Variants in C19orf47 observed in about 807,000 individuals in gnomAD.
The protein encoded by C19orf47 is uncharacterized protein C19orf47.
In C19orf47, 18 loss-of-function variants were observed where a neutral mutation model predicts 32.3. The observed-to-expected ratio is 0.56, with a 90% CI of 0.39 to 0.83. The LOEUF (loss-of-function observed/expected upper bound fraction) is 0.83, where lower values mean the gene tolerates loss of function less well. Among genes scored for constraint, C19orf47 ranks in the 40% least tolerant of loss-of-function variants. The probability of loss-of-function intolerance (pLI) is 0.00; values close to 1 mark genes in which losing one functional copy is unlikely to be tolerated. For missense variants in C19orf47, 484 were observed against 531.6 expected (o/e 0.91, Z 0.88); for synonymous variants, 202 against 211.1 (o/e 0.96, Z 0.37).
chr19:40,322,763 T>C (rs749811264), intron 8 of C19orf47, among the ~76,000 whole-genome samples: 1 of 152,216 alleles, frequency 6.6e-6, no homozygotes, highest in African/African-American at 2.4e-5. Context: ...CAATTCTATA[T>C]TGTACCTGGT....
chr19:40,313,878 G>A, the C19orf47 span, among the ~76,000 whole-genome samples: 1 of 151,816 alleles, frequency 6.6e-6, no homozygotes, highest in East Asian at 1.9e-4. Context: ...AGAGGCTGCA[G>A]TGAGATTACA....
intron 6 of C19orf47, among the ~76,000 whole-genome samples, chr19:40,327,496 G>A (rs746077178): frequency 3.3e-5 from 5 of 152,156 alleles, no homozygotes; most frequent in African/African-American, 4.8e-5. Flanking sequence ...TCAAAGGCCA[G>A]AAGAGGGTGA....
the C19orf47 span, among the ~76,000 whole-genome samples, chr19:40,297,715 A>G: frequency 1.6e-5 from 1 of 62,616 alleles, no homozygotes; most frequent in Non-Finnish European, 5.2e-5. Context: ...AAAAAAAAAA[A>G]AAAAAAAAAT....
chr19:40,348,027 T>C (rs2078356270), intron 1 of C19orf47, among the ~76,000 whole-genome samples: 1 of 152,164 alleles, frequency 6.6e-6, no homozygotes. Flanking sequence ...CAATTTTTCA[T>C]ACTAAGCGCT....
chr19:40,326,299 C>T (rs1368832860), intron 7 of C19orf47, 35 bp downstream of exon 7: 1 of 1,611,436 alleles, frequency 6.2e-7, no homozygotes, highest in Admixed American at 1.7e-5. Flanking sequence ...GGGACATGGA[C>T]CCCGCAGGGA....
rs45565331 is a variant in C19orf47, at chr19:40,321,250, C to A, written c.*632G>T. 1,218 of 986,854 alleles carry A rather than the reference C, an allele frequency of 1.2e-3. No individual in the cohort carries two copies. Among genetic ancestry groups the A allele is most frequent in the Middle Eastern group, 3.1e-3 (6 of 1,916 alleles). The allele number at this position is 986,854 out of a possible 1,614,324, so 61.1% of individuals were successfully genotyped here. ...GTCCCTCCAGCCTGGGAGTAGAGGG[C>A]GGCTAACAGTCTCAACAGGCTCGAC... On this transcript the variant is annotated 3_prime_UTR_variant, in exon 9 of 9. Transcript: ENST00000683109.
chr19:40,327,016 T>C (rs2077845456), intron 6 of C19orf47, among the ~76,000 whole-genome samples: 1 of 151,316 alleles, frequency 6.6e-6, no homozygotes. Context: ...ACTTTTTTTT[T>C]TTTTTTTTTT....
chr19:40,328,424 G>A lies in C19orf47; in HGVS notation c.428C>T (p.Ala143Val). 6.2e-7 allele frequency: 1 copy of A among 1,612,674 alleles called. No individual in the cohort carries two copies. The highest frequency in any genetic ancestry group is 8.5e-7 in the Non-Finnish European group (1 of 1,179,402). ...TVSNKMAAKS[A>V]KATAALARRE... Reference sequence around the variant, plus strand: ...CCATGTTCCCTCACCAGTGGCCTTGGCACTCTTTGCTGCCATCTTGTTGGA... The same window carrying A: ...CCATGTTCCCTCACCAGTGGCCTTGACACTCTTTGCTGCCATCTTGTTGGA... The change falls in exon 6 of 9, where the codon GCC (alanine) becomes GTC (valine). Residue 143 changes from alanine (A) to valine (V), a missense_variant. By Grantham distance (64) the Ala-to-Val change is moderately conservative. Transcript: ENST00000683109.
At position 40,321,489 on chromosome 19, in the gene C19orf47, AC is replaced by A. The variant is rs1395770870; in HGVS notation, c.*392del. ...GGGGAAGGGAGGCCCACCAGGTGAC[AC>A]CCACTTAGTTGAGGGGGACAGGGAG... On this transcript the variant is annotated 3_prime_UTR_variant, in exon 9 of 9. Coordinates refer to ENST00000683109, the MANE Select transcript of C19orf47 (RefSeq NM_001256441.2). 2.1e-5 allele frequency: 21 copies of A among 1,017,348 alleles called. No individual in the cohort carries two copies. Among genetic ancestry groups the A allele is most frequent in the Non-Finnish European group, 2.2e-5 (19 of 849,734 alleles). The allele number at this position is 1,017,348 out of a possible 1,614,324, so 63.0% of individuals were successfully genotyped here.
the C19orf47 span, among the ~76,000 whole-genome samples, chr19:40,300,269 A>G: frequency 6.6e-6 from 1 of 152,022 alleles, no homozygotes; most frequent in Non-Finnish European, 1.5e-5. Context: ...GTTCAAGACC[A>G]GCCTAGCCAA....
chr19:40,326,263 G>T (rs989976233), intron 7 of C19orf47, 71 bp downstream of exon 7: 1 of 1,584,036 alleles, frequency 6.3e-7, no homozygotes, highest in Admixed American at 1.7e-5. Flanking sequence ...TGTAGGATAT[G>T]ACGGGCCCTG....
At chr19:40,335,842 T>C (rs1309157088) in intron 4 of C19orf47, among the ~76,000 whole-genome samples, 2 of 152,162 alleles carry the variant, frequency 1.3e-5, no homozygotes, top group African/African-American at 2.4e-5. Context: ...ATCTCCTGAC[T>C]TCGTGATCCG....
chr19:40,327,007 CTTTTTTTTTTT>C (rs763036518), intron 6 of C19orf47, among the ~76,000 whole-genome samples: 3 of 122,802 alleles, frequency 2.4e-5, no homozygotes, highest in Admixed American at 1.7e-4. Flanking sequence ...CTGATTTTAA[CTTTTTTTTTTT>C]TTTTTTTTTT....
chr19:40,308,465 CTT>C, the C19orf47 span, among the ~76,000 whole-genome samples: 15 of 119,936 alleles, frequency 1.3e-4, no homozygotes, highest in African/African-American at 1.2e-4. Context: ...AGAAAGTCAA[CTT>C]TTTTTTTTTT....
chr19:40,344,240 A>G (rs986090154), intron 1 of C19orf47, among the ~76,000 whole-genome samples: 1 of 151,292 alleles, frequency 6.6e-6, no homozygotes, highest in Non-Finnish European at 1.5e-5. Context: ...GCACTTTGGG[A>G]GGTCGAGGCA....
chr19:40,327,069 A>C (rs1057282630), intron 6 of C19orf47, among the ~76,000 whole-genome samples: 1 of 143,668 alleles, frequency 7.0e-6, no homozygotes, highest in Non-Finnish European at 1.5e-5. Context: ...TCTGGAGTGC[A>C]ATGGCACGAT....
the C19orf47 span, among the ~76,000 whole-genome samples, chr19:40,297,259 T>G: frequency 1.3e-5 from 2 of 152,066 alleles, no homozygotes; most frequent in Non-Finnish European, 2.9e-5. Flanking sequence ...TGACATGCAT[T>G]TGATGTAAAA....
At chr19:40,338,296 TATATATATACAC>T (rs2078108223) in intron 2 of C19orf47, among the ~76,000 whole-genome samples, 1 of 127,630 alleles carries the variant, frequency 7.8e-6, no homozygotes, top group African/African-American at 2.8e-5. Flanking sequence ...CACACAAATA[TATATATATACAC>T]ATATATATAC....
downstream of C19orf47, among the ~76,000 whole-genome samples, chr19:40,315,241 T>C (rs1157053786): frequency 6.6e-6 from 1 of 152,234 alleles, no homozygotes; most frequent in Non-Finnish European, 1.5e-5. Flanking sequence ...ATTTCATTAA[T>C]TGTGACAAAC....
Sources: gnomAD v4.1 joint callset for allele counts (sites outside exome capture counted in the v4.1 genomes callset) on GRCh38, gnomAD v4.1.1 for gene constraint, MANE v1.5 for transcripts, NCBI Gene and HGNC (gene_info 2026-07-23, HGNC 2026-07-21) for gene names.